The following CYP27C1 variants were observed in gnomAD, a reference collection of about 807,000 sequenced individuals.
CYP27C1 encodes cytochrome P450 27C1.
CYP27C1 carries 29 observed loss-of-function variants against 40.6 expected under a neutral mutation model. That is an observed-to-expected ratio of 0.71 (90% confidence interval 0.53 to 0.97). The LOEUF (loss-of-function observed/expected upper bound fraction) is 0.97. Among genes scored for constraint, CYP27C1 ranks in the 50% least tolerant of loss-of-function variants. The probability of loss-of-function intolerance (pLI) is 0.00; values close to 1 mark genes in which losing one functional copy is unlikely to be tolerated. For missense variants in CYP27C1, 390 were observed against 485.8 expected (o/e 0.80, Z 1.85); for synonymous variants, 198 against 186.8 (o/e 1.06, Z -0.49).
chr2:127,207,048 T>A (rs116535004), intron 1 of CYP27C1, among the ~76,000 whole-genome samples: 1,870 of 152,232 alleles, frequency 0.012, 30 homozygotes, highest in African/African-American at 0.041. Context: ...ACAATTCAAT[T>A]TACAATACAT....
At chr2:127,214,467 C>T (rs527381077) in intron 1 of CYP27C1, among the ~76,000 whole-genome samples, 1 of 152,158 alleles carries the variant, frequency 6.6e-6, no homozygotes, top group African/African-American at 2.4e-5. Context: ...GGCACATATA[C>T]ACCATGGAAT....
chr2:127,215,616 T>A (rs1012583178), intron 1 of CYP27C1, among the ~76,000 whole-genome samples: 3 of 152,128 alleles, frequency 2.0e-5, no homozygotes, highest in Admixed American at 2.0e-4. Flanking sequence ...AGGCATGTAA[T>A]CCTAGCACTC....
Position 127,186,374 on chromosome 2 carries a change from T to TATTTC in CYP27C1, c.*896_*897insGAAAT, listed in dbSNP as rs764845064. The TATTTC allele has an allele frequency of 1.1e-5, 1 of 94,854 alleles. No homozygotes were observed. Among genetic ancestry groups the TATTTC allele is most frequent in the Non-Finnish European group, 2.0e-5 (1 of 49,142 alleles). 5.9% of individuals were successfully genotyped at this position (94,854 alleles called of 1,614,324 possible). ...GAAAAGTATTCTTATACAGCCATTT[T>TATTTC]ATTTTATTTTATTTTATTTTATTTT... On this transcript the variant is annotated 3_prime_UTR_variant, in exon 9 of 9. Transcript: ENST00000664447. The surrounding 1 kb of genome is among the most constrained non-coding windows in gnomAD (Gnocchi z 4.5).
chr2:127,197,795 A>AT (rs1246804302), intron 5 of CYP27C1, among the ~76,000 whole-genome samples: 1 of 149,478 alleles, frequency 6.7e-6, no homozygotes, highest in Non-Finnish European at 1.5e-5. Flanking sequence ...CACGGCGATC[A>AT]TTTTCACACG....
At chr2:127,198,555 T>C (rs143095958) in intron 5 of CYP27C1, among the ~76,000 whole-genome samples, 1 of 152,328 alleles carries the variant, frequency 6.6e-6, no homozygotes, top group East Asian at 1.9e-4. Flanking sequence ...ACATTTAATA[T>C]ACAATCATGC....
chr2:127,198,306 T>C (rs1223893741), intron 5 of CYP27C1, among the ~76,000 whole-genome samples: 1 of 152,102 alleles, frequency 6.6e-6, no homozygotes, highest in African/African-American at 2.4e-5. Context: ...ATAGAACAAA[T>C]TGGGGAGTGA....
chr2:127,219,034 TC>T lies in CYP27C1; in HGVS notation c.282+954del, dbSNP rs1683496257. Among the ~76,000 whole-genome samples the T allele has an allele frequency of 6.6e-6, 1 of 151,986 alleles. No homozygotes were observed. Among genetic ancestry groups the T allele is most frequent in the Admixed American group, 6.5e-5 (1 of 15,272 alleles). On this transcript the variant is annotated intron_variant, in intron 1 of 8. Transcript: ENST00000664447. This position sits in a 1 kb window ranked among gnomAD's most constrained non-coding sequence, Gnocchi z 8.7. ...GTTCCTCCCACGTCCCTGCCTCCAGTCCCGGCGCGAACTCCAGGTGTCGCCC... is the reference window on the plus strand; with the variant it reads ...GTTCCTCCCACGTCCCTGCCTCCAGTCCGGCGCGAACTCCAGGTGTCGCCC...
At position 127,218,562 on chromosome 2, in the gene CYP27C1, C is replaced by T. The variant is rs74454246; in HGVS notation, c.282+1427G>A. On this transcript the variant is annotated intron_variant, in intron 1 of 8. Coordinates refer to ENST00000664447, the MANE Select transcript of CYP27C1 (RefSeq NM_001367502.1). This position sits in a 1 kb window ranked among gnomAD's most constrained non-coding sequence, Gnocchi z 6.0. ...TAAAATTAAATTAAATTTTAATTCC[C>T]GGCCGAATTAAAATTGCTCCTCGCA... 9.8e-4 allele frequency among the ~76,000 whole-genome samples: 149 copies of T among 152,166 alleles called. No homozygotes were observed. Among genetic ancestry groups the T allele is most frequent in the African/African-American group, 3.4e-3 (143 of 41,504 alleles).
intron 2 of CYP27C1, among the ~76,000 whole-genome samples, chr2:127,204,610 A>AAGCAAGCAAGC (rs1558931557): frequency 5.8e-5 from 6 of 102,604 alleles, no homozygotes; most frequent in African/African-American, 2.5e-4. Context: ...AGAAAGAAAG[A>AAGCAAGCAAGC]AAGAAAGAAA....
rs1193558836 is a variant in CYP27C1, at chr2:127,185,965, A to G, written c.*1306T>C. The G allele has an allele frequency of 1.3e-5, 2 of 152,234 alleles. No homozygotes were observed. Among genetic ancestry groups the G allele is most frequent in the Admixed American group, 1.3e-4 (2 of 15,284 alleles). The allele number at this position is 152,234 out of a possible 1,614,324, so 9.4% of individuals were successfully genotyped here. On this transcript the variant is annotated 3_prime_UTR_variant, in exon 9 of 9. Coordinates refer to ENST00000664447, the MANE Select transcript of CYP27C1 (RefSeq NM_001367502.1). This position sits in a 1 kb window ranked among gnomAD's most constrained non-coding sequence, Gnocchi z 4.9. ...TTCCCAGAGAGCCTGGCACAGGCACACAACTGGGTGAGGGTTCTTGTGTGG... is the reference window on the plus strand; with the variant it reads ...TTCCCAGAGAGCCTGGCACAGGCACGCAACTGGGTGAGGGTTCTTGTGTGG...
rs147878410 is a variant in CYP27C1 at position 127,204,722 on chromosome 2, G to A, written c.474-1151C>T. The stretch of plus-strand genomic sequence containing the variant: ...TGGGGCTCCTGGCTGCACTCGGAGA[G>A]CACCCAGGTAGCAGGCCCAGCACAC... On this transcript the variant is annotated intron_variant, in intron 2 of 8. Transcript: ENST00000664447. 2.8e-3 allele frequency among the ~76,000 whole-genome samples: 420 copies of A among 152,296 alleles called. 4 individuals are homozygous for A. Among genetic ancestry groups the A allele is most frequent in the African/African-American group, 9.1e-3 (378 of 41,564 alleles).
rs1274056282 is a variant in CYP27C1, at chr2:127,201,645, G to C, written c.674-314C>G. On this transcript the variant is annotated intron_variant, in intron 3 of 8. Coordinates refer to ENST00000664447, the MANE Select transcript of CYP27C1 (RefSeq NM_001367502.1). This position sits in a 1 kb window ranked among gnomAD's most constrained non-coding sequence, Gnocchi z 6.0. The stretch of plus-strand genomic sequence containing the variant: ...GGCTAAGGCTGCAGAGGAGGACCCT[G>C]GGACAGATCTGGAGCACAGGTCTGA... 6.6e-6 allele frequency among the ~76,000 whole-genome samples: 1 copy of C among 152,146 alleles called. No homozygotes were observed. Among genetic ancestry groups the C allele is most frequent in the Non-Finnish European group, 1.5e-5 (1 of 68,012 alleles).
At chr2:127,198,036 G>T (rs1037423704) in intron 5 of CYP27C1, among the ~76,000 whole-genome samples, 1 of 152,144 alleles carries the variant, frequency 6.6e-6, no homozygotes, top group African/African-American at 2.4e-5. Flanking sequence ...ATACATGCTG[G>T]TCTGCCTCTT....
intron 1 of CYP27C1, among the ~76,000 whole-genome samples, chr2:127,213,585 T>C (rs116348345): frequency 0.01 from 1,557 of 152,232 alleles, 29 homozygotes; most frequent in African/African-American, 0.036. Context: ...CTATTCAGTA[T>C]ATGGTGCTGG....
Position 127,201,323 on chromosome 2 carries a change from T to C in CYP27C1, c.682A>G (p.Thr228Ala), listed in dbSNP as rs893949423. Residue 228 changes from threonine to alanine, a missense_variant, in exon 4 of 9, where the codon ACC becomes GCC. Thr to Ala is a moderately conservative substitution (Grantham distance 58). Coordinates refer to ENST00000664447, the MANE Select transcript of CYP27C1 (RefSeq NM_001367502.1). This position sits in a 1 kb window ranked among gnomAD's most constrained non-coding sequence, Gnocchi z 6.0. Reference protein sequence around the residue: ...FFKYSMEGVATILYESRLGCL... With the variant: ...FFKYSMEGVAAILYESRLGCL... ...CCCAAACGACTCTCATAAAGGATGG[T>C]GGCCACTCCTAGACAGGAAAGAGAA... The C allele has an allele frequency of 1.4e-5, 23 of 1,613,960 alleles. No homozygotes were observed. In the African/African-American group the frequency reaches 1.9e-4, roughly 13 times the overall value.
At chr2:127,214,082 T>C (rs187106891) in intron 1 of CYP27C1, among the ~76,000 whole-genome samples, 5 of 152,266 alleles carry the variant, frequency 3.3e-5, no homozygotes, top group African/African-American at 9.6e-5. Flanking sequence ...AATGTATACA[T>C]CACTGATCAT....
rs543595439 is a variant in CYP27C1, at chr2:127,208,759, G to C, written c.283-2669C>G. Among the ~76,000 whole-genome samples the C allele has an allele frequency of 2.4e-4, 37 of 152,306 alleles. No individual in the cohort carries two copies. The highest frequency in any genetic ancestry group is 8.7e-4 in the African/African-American group (36 of 41,562). ...AGTTGGCAGCCAGAGTGCCTCTTCAGGTCTAACCCTGATCCATCCTTCCTC... is the reference window on the plus strand; with the variant it reads ...AGTTGGCAGCCAGAGTGCCTCTTCACGTCTAACCCTGATCCATCCTTCCTC... On this transcript the variant is annotated intron_variant, in intron 1 of 8. Transcript: ENST00000664447. This position sits in a 1 kb window ranked among gnomAD's most constrained non-coding sequence, Gnocchi z 5.2.
chr2:127,193,376 G>T, intron 7 of CYP27C1, 79 bp from the exon 8 acceptor site: 1 of 1,567,176 alleles, frequency 6.4e-7, no homozygotes, highest in East Asian at 2.3e-5. Flanking sequence ...AGCCCTAGCC[G>T]GACAGTCTCC....
In CYP27C1 at chr2:127,187,334, T is replaced by C. The variant is rs987221021; in HGVS notation, c.1551A>G (p.Ala517=). 3 of 1,614,242 alleles carry C rather than the reference T, an allele frequency of 1.9e-6. No individual in the cohort carries two copies. The highest frequency in any genetic ancestry group is 1.7e-6 in the Non-Finnish European group (2 of 1,180,036). Residue 517 remains alanine, a synonymous_variant, in exon 9 of 9, where the codon GCA becomes GCG. Coordinates refer to ENST00000664447, the MANE Select transcript of CYP27C1 (RefSeq NM_001367502.1). ...KTSSQTNAVH[A]KTHGLLTPGG... is the part of the protein sequence containing the mutation. ...CTGGCGTCAGGAGCCCGTGGGTTTTTGCATGAACAGCATTGGTCTGAGAAG... is the reference window on the plus strand; with the variant it reads ...CTGGCGTCAGGAGCCCGTGGGTTTTCGCATGAACAGCATTGGTCTGAGAAG...
Sources: gnomAD v4.1 joint callset for allele counts (sites outside exome capture counted in the v4.1 genomes callset) on GRCh38, gnomAD v4.1.1 for gene constraint, Gnocchi (gnomAD v3.1) non-coding constraint, MANE v1.5 for transcripts, NCBI Gene and HGNC (gene_info 2026-07-23, HGNC 2026-07-21) for gene names.